ATRNL1: variants seen among roughly 807,000 people sequenced by gnomAD.
The protein encoded by ATRNL1 is attractin-like protein 1.
A neutral mutation model predicts 182.7 loss-of-function variants in ATRNL1; 95 were observed. That is an observed-to-expected ratio of 0.52 (90% confidence interval 0.44 to 0.62). The LOEUF is 0.62. Among genes scored for constraint, ATRNL1 ranks in the 20% least tolerant of loss-of-function variants. The pLI is 0.00. For synonymous variants in ATRNL1, 576 were observed against 568.3 expected, an observed-to-expected ratio of 1.01 and a Z score of -0.19; for missense variants, 1,471 against 1,679.5, an observed-to-expected ratio of 0.88 and a Z score of 2.17.
intron 5 of ATRNL1, among the ~76,000 whole-genome samples, chr10:115,148,961 C>T (rs1344478901): frequency 1.3e-5 from 2 of 151,886 alleles, no homozygotes; most frequent in Non-Finnish European, 2.9e-5. Flanking sequence ...TGTTTCACCT[C>T]CTGACCTCAG....
intron 19 of ATRNL1, among the ~76,000 whole-genome samples, chr10:115,376,455 A>AT (rs1857676394): frequency 1.3e-5 from 2 of 151,822 alleles, no homozygotes; most frequent in Admixed American, 6.6e-5. Context: ...CATCCAGTTA[A>AT]TTTTTTTAGT....
chr10:115,380,609 C>A, intron 19 of ATRNL1, among the ~76,000 whole-genome samples: 1 of 152,074 alleles, frequency 6.6e-6, no homozygotes, highest in East Asian at 1.9e-4. Context: ...CTGGAAATTT[C>A]ATATAAGTGA....
intron 28 of ATRNL1, among the ~76,000 whole-genome samples, chr10:115,884,733 G>A (rs1014090383): frequency 2.0e-5 from 3 of 152,188 alleles, no homozygotes; most frequent in South Asian, 2.1e-4. Context: ...ACTTAGCTAC[G>A]CATCACATGT....
intron 9 of ATRNL1, among the ~76,000 whole-genome samples, chr10:115,218,397 T>A (rs1169693079): frequency 6.6e-6 from 1 of 152,196 alleles, no homozygotes; most frequent in African/African-American, 2.4e-5. Flanking sequence ...TTTGAAGTTG[T>A]CTTAAACATA....
intron 8 of ATRNL1, among the ~76,000 whole-genome samples, chr10:115,211,076 G>A (rs1337359652): frequency 7.1e-6 from 1 of 141,542 alleles, no homozygotes; most frequent in Non-Finnish European, 1.5e-5. Flanking sequence ...TATACTTTAA[G>A]TTTTAGGGTA....
At chr10:115,775,285 G>T (rs1949095006) in intron 27 of ATRNL1, among the ~76,000 whole-genome samples, 1 of 152,068 alleles carries the variant, frequency 6.6e-6, no homozygotes. Context: ...TACTTGGCTG[G>T]ATCTTTTAGA....
At chr10:115,713,692 TC>T (rs1565310682) in intron 26 of ATRNL1, among the ~76,000 whole-genome samples, 2 of 114,570 alleles carry the variant, frequency 1.7e-5, no homozygotes, top group East Asian at 2.4e-4. Flanking sequence ...TATCTATCTA[TC>T]TATCTATCTA....
chr10:115,347,629 T>G (rs1429912483), intron 19 of ATRNL1, among the ~76,000 whole-genome samples: 1 of 152,086 alleles, frequency 6.6e-6, no homozygotes, highest in Non-Finnish European at 1.5e-5. Context: ...TTAAATATAC[T>G]GCAGCATATA....
chr10:115,483,770 T>A (rs535387848), intron 24 of ATRNL1, among the ~76,000 whole-genome samples: 7 of 151,828 alleles, frequency 4.6e-5, no homozygotes, highest in African/African-American at 1.7e-4. Flanking sequence ...TTACTTATGA[T>A]TTTTAAAGCA....
chr10:115,270,317 TATAA>T (rs1359548331), intron 13 of ATRNL1, among the ~76,000 whole-genome samples: 18 of 143,126 alleles, frequency 1.3e-4, no homozygotes, highest in African/African-American at 4.2e-4. Flanking sequence ...ATATATTATA[TATAA>T]ATATATTTGT....
chr10:115,248,135 C>T (rs1339180104), intron 10 of ATRNL1, among the ~76,000 whole-genome samples: 3 of 152,030 alleles, frequency 2.0e-5, no homozygotes, highest in African/African-American at 7.2e-5. Context: ...CAATAGTTAA[C>T]TATTATGTGT....
intron 26 of ATRNL1, among the ~76,000 whole-genome samples, chr10:115,718,398 A>G (rs1233394234): frequency 6.6e-6 from 1 of 152,194 alleles, no homozygotes; most frequent in Non-Finnish European, 1.5e-5. Flanking sequence ...GTTAATTATG[A>G]TTCTTAAGTG....
intron 27 of ATRNL1, among the ~76,000 whole-genome samples, chr10:115,821,376 A>AT (rs1950292656): frequency 6.6e-6 from 1 of 152,116 alleles, no homozygotes; most frequent in Admixed American, 6.6e-5. Flanking sequence ...ACAATTTGGT[A>AT]TGTTTTTGCG....
intron 17 of ATRNL1, among the ~76,000 whole-genome samples, chr10:115,311,938 T>C (rs2134005094): frequency 6.6e-6 from 1 of 152,190 alleles, no homozygotes; most frequent in Admixed American, 6.5e-5. Flanking sequence ...TGCTTGCTTT[T>C]GGTTTCCATT....
chr10:115,319,062 G>T (rs1414132027), intron 18 of ATRNL1, among the ~76,000 whole-genome samples: 1 of 152,002 alleles, frequency 6.6e-6, no homozygotes, highest in South Asian at 2.1e-4. Flanking sequence ...CACTCCTTTA[G>T]CTGTGTCCCA....
chr10:115,900,661 C>T (rs1952326866), intron 28 of ATRNL1, among the ~76,000 whole-genome samples: 1 of 152,198 alleles, frequency 6.6e-6, no homozygotes, highest in South Asian at 2.1e-4. Context: ...AGTTAGGGAA[C>T]TTGCTCATGC....
intron 20 of ATRNL1, among the ~76,000 whole-genome samples, chr10:115,411,697 TAA>T (rs1845149851): frequency 6.6e-6 from 1 of 152,126 alleles, no homozygotes. Flanking sequence ...ATTTATGTTG[TAA>T]AGTATCAATT....
intron 26 of ATRNL1, among the ~76,000 whole-genome samples, chr10:115,696,896 A>AGAGC (rs782805986): frequency 6.7e-6 from 1 of 148,406 alleles, no homozygotes; most frequent in Admixed American, 6.7e-5. Context: ...AGAGAGAGAG[A>AGAGC]GAGCGAGCGA....
chr10:115,661,244 CA>C (rs143394233), intron 26 of ATRNL1, among the ~76,000 whole-genome samples: 3,519 of 152,160 alleles, frequency 0.023, 122 homozygotes, highest in African/African-American at 0.081. Flanking sequence ...ATCCTACCTT[CA>C]AAAACTGTCA....
Sources: gnomAD v4.1 joint callset for allele counts (sites outside exome capture counted in the v4.1 genomes callset) on GRCh38, gnomAD v4.1.1 for gene constraint, MANE v1.5 for transcripts, NCBI Gene and HGNC (gene_info 2026-07-23, HGNC 2026-07-21) for gene names.